Variants in HNRNPC observed in about 807,000 individuals in gnomAD.
The protein encoded by HNRNPC is heterogeneous nuclear ribonucleoprotein C, also known as heterogeneous nuclear ribonucleoproteins C1/C2.
In HNRNPC, 3 loss-of-function variants were observed where a neutral mutation model predicts 33.2. That is an observed-to-expected ratio of 0.09 (90% CI 0.04 to 0.23). The LOEUF (loss-of-function observed/expected upper bound fraction) is 0.23. Ranked by LOEUF, HNRNPC falls within the 10% of genes least tolerant of loss-of-function variation. HNRNPC has a pLI of 1.00. For synonymous variants in HNRNPC, 121 were observed against 126.7 expected (o/e 0.96, Z 0.30); for missense variants, 143 against 366.7 (o/e 0.39, Z 4.98).
rs71112557 is a variant in HNRNPC at position 21,218,681 on chromosome 14, CAAAAA to C, written c.366-5569_366-5565del. ...TGGGAGACAAAGCGAAACTCTCTCT[CAAAAA>C]AAAAAAAAAAAAAAAAAAAAAACTG... On this transcript the variant is annotated intron_variant, in intron 5 of 8. Transcript: ENST00000553300. Among the ~76,000 whole-genome samples, 493 of 51,248 alleles carry C rather than the reference CAAAAA, an allele frequency of 9.6e-3. 9 individuals are homozygous for C. Among genetic ancestry groups the C allele is most frequent in the African/African-American group, 0.037 (355 of 9,702 alleles). The allele number at this position is 51,248 out of a possible 152,430, so 33.6% of individuals were successfully genotyped here.
At chr14:21,216,738 A>C (rs1892236883) in intron 5 of HNRNPC, among the ~76,000 whole-genome samples, 1 of 152,226 alleles carries the variant, frequency 6.6e-6, no homozygotes, top group Non-Finnish European at 1.5e-5. Flanking sequence ...CCAAAGGAGC[A>C]GTTTTTTCCA....
At chr14:21,253,336 A>C (rs1231390509) in intron 2 of HNRNPC, among the ~76,000 whole-genome samples, 1 of 150,892 alleles carries the variant, frequency 6.6e-6, no homozygotes, top group Admixed American at 6.6e-5. Context: ...AATACAAAAA[A>C]TTAGCTGGAT....
intron 2 of HNRNPC, among the ~76,000 whole-genome samples, chr14:21,245,748 A>G (rs1436744001): frequency 6.6e-6 from 1 of 152,134 alleles, no homozygotes; most frequent in Non-Finnish European, 1.5e-5. Context: ...TTTTACTTTG[A>G]AAAAACTAAG....
intron 2 of HNRNPC, among the ~76,000 whole-genome samples, chr14:21,260,756 A>G (rs970684659): frequency 6.6e-6 from 1 of 152,042 alleles, no homozygotes; most frequent in Non-Finnish European, 1.5e-5. Context: ...TGAGATCAGG[A>G]GTTTGAGACC....
At chr14:21,223,398 T>C (rs1893058592) in intron 5 of HNRNPC, among the ~76,000 whole-genome samples, 1 of 151,768 alleles carries the variant, frequency 6.6e-6, no homozygotes, top group Non-Finnish European at 1.5e-5. Context: ...ACTAAACGAG[T>C]CTAGGACACA....
chr14:21,213,390 G>A (rs1253038237), intron 5 of HNRNPC: 4 of 391,272 alleles, frequency 1.0e-5, no homozygotes, highest in Non-Finnish European at 1.9e-5. Context: ...GCTGGCCTTT[G>A]GCACTGGATA....
chr14:21,239,005 T>C (rs1003895467), intron 2 of HNRNPC, among the ~76,000 whole-genome samples: 2 of 151,892 alleles, frequency 1.3e-5, no homozygotes, highest in African/African-American at 4.8e-5. Context: ...CCTGCACCTG[T>C]AGTCCCAGCT....
chr14:21,264,225 A>T (rs1878623675), intron 1 of HNRNPC: 2 of 152,226 alleles, frequency 1.3e-5, no homozygotes, highest in Admixed American at 1.3e-4. Context: ...AACTTAAAAA[A>T]GTCCGTGGAG....
At chr14:21,266,391 A>G (rs372254894) in intron 1 of HNRNPC, among the ~76,000 whole-genome samples, 45 of 152,130 alleles carry the variant, frequency 3.0e-4, no homozygotes, top group African/African-American at 1.1e-3. Context: ...GAGCAGCCAC[A>G]CCCGGCCTTA....
At chr14:21,224,971 TAA>T (rs1206082358) in intron 5 of HNRNPC, among the ~76,000 whole-genome samples, 1 of 152,300 alleles carries the variant, frequency 6.6e-6, no homozygotes, top group East Asian at 1.9e-4. Context: ...CAAAATGTGC[TAA>T]GTTTAAAAAG....
chr14:21,238,561 A>G (rs1161099810), intron 2 of HNRNPC, among the ~76,000 whole-genome samples: 3 of 152,226 alleles, frequency 2.0e-5, no homozygotes, highest in African/African-American at 7.2e-5. Flanking sequence ...TCCTTAAAAC[A>G]GAAAATCCAT....
In HNRNPC at chr14:21,249,764, G is replaced by A. The variant is rs948785965; in HGVS notation, c.-37+13547C>T. Among the ~76,000 whole-genome samples, 5 of 151,830 alleles carry A rather than the reference G, an allele frequency of 3.3e-5. No individual in the cohort carries two copies. In the East Asian group the frequency reaches 5.8e-4, roughly 18 times the overall value. On this transcript the variant is annotated intron_variant, in intron 2 of 8. Transcript: ENST00000553300. Reference sequence around the variant, plus strand: ...CATTGTGCCATCATTAAAGTGTTTCGGGGGTGTTACGACATAAAAGTCCAT... The same window carrying A: ...CATTGTGCCATCATTAAAGTGTTTCAGGGGTGTTACGACATAAAAGTCCAT...
chr14:21,267,543 G>A (rs1879220586), intron 1 of HNRNPC, among the ~76,000 whole-genome samples: 1 of 146,724 alleles, frequency 6.8e-6, no homozygotes, highest in Non-Finnish European at 1.5e-5. Context: ...GCACTAGCAT[G>A]AGGGGGAAAA....
chr14:21,226,087 G>A (rs1274405325), intron 5 of HNRNPC, among the ~76,000 whole-genome samples: 1 of 152,034 alleles, frequency 6.6e-6, no homozygotes, highest in Non-Finnish European at 1.5e-5. Context: ...GGAGGCCAAG[G>A]TGGATGGATC....
Position 21,234,041 on chromosome 14 carries a change from G to A in HNRNPC, c.153C>T (p.Gly51=), listed in dbSNP as rs759906503. The change falls in exon 3 of 9, where the codon GGC becomes GGT. Residue 51 remains glycine (G), a synonymous_variant. Transcript: ENST00000553300. The part of the protein sequence containing the change: ...GKIVGCSVHK[G]FAFVQYVNER... ...CATTAACATACTGAACGAAGGCAAA[G>A]CCCTTATGAACAGAGCAGCCCACAA... 1 of 1,613,766 alleles carries A rather than the reference G, an allele frequency of 6.2e-7. No individual in the cohort carries two copies. The highest frequency in any genetic ancestry group is 8.5e-7 in the Non-Finnish European group (1 of 1,179,862).
intron 2 of HNRNPC, among the ~76,000 whole-genome samples, chr14:21,246,233 C>T (rs937192008): frequency 6.6e-6 from 1 of 152,084 alleles, no homozygotes; most frequent in Admixed American, 6.6e-5. Context: ...TTCATTCAAA[C>T]TCTTCCCCAT....
chr14:21,243,234 A>G (rs988198957), intron 2 of HNRNPC, among the ~76,000 whole-genome samples: 1 of 147,292 alleles, frequency 6.8e-6, no homozygotes, highest in African/African-American at 2.6e-5. Context: ...TCTTTTGATA[A>G]TATTTTGGTG....
intron 5 of HNRNPC, among the ~76,000 whole-genome samples, chr14:21,220,812 T>G (rs1447154450): frequency 6.7e-6 from 1 of 149,364 alleles, no homozygotes; most frequent in Non-Finnish European, 1.5e-5. Context: ...AAATTCTATC[T>G]GTTTTCAAGG....
chr14:21,257,654 T>C (rs990682806), intron 2 of HNRNPC, among the ~76,000 whole-genome samples: 11 of 150,306 alleles, frequency 7.3e-5, no homozygotes, highest in Non-Finnish European at 7.4e-5. Flanking sequence ...GGCGCAATCA[T>C]AACTCACACT....
Sources: allele counts gnomAD v4.1 joint callset (sites outside exome capture counted in the v4.1 genomes callset), GRCh38; gene constraint gnomAD v4.1.1; transcripts MANE v1.5; gene names NCBI Gene and HGNC (gene_info 2026-07-23, HGNC 2026-07-21).